The following GRM7 variants were observed in gnomAD, a reference collection of about 807,000 sequenced individuals.
GRM7 encodes glutamate metabotropic receptor 7, also known as metabotropic glutamate receptor 7.
In GRM7, 35 loss-of-function variants were observed where a neutral mutation model predicts 84.5. The observed-to-expected ratio is 0.41, with a 90% confidence interval of 0.32 to 0.55. GRM7 has a LOEUF of 0.55. Among genes scored for constraint, GRM7 ranks in the 20% least tolerant of loss-of-function variants. The probability of loss-of-function intolerance (pLI) is 0.19; values close to 1 mark genes in which losing one functional copy is unlikely to be tolerated. For synonymous variants in GRM7, 487 were observed against 455.1 expected (o/e 1.07, Z -0.89); for missense variants, 1,003 against 1,194.6 (o/e 0.84, Z 2.36).
chr3:7,715,878 G>A (rs17047850), intron 9 of GRM7, among the ~76,000 whole-genome samples: 1 of 152,044 alleles, frequency 6.6e-6, no homozygotes, highest in African/African-American at 2.4e-5. Flanking sequence ...ACTTGCTACT[G>A]CAGGTATTTG....
chr3:7,354,579 G>C (rs1693305155), intron 4 of GRM7, among the ~76,000 whole-genome samples: 1 of 152,154 alleles, frequency 6.6e-6, no homozygotes, highest in Non-Finnish European at 1.5e-5. Flanking sequence ...AGGGAGAGTA[G>C]AGATTAGTGT....
intron 1 of GRM7, among the ~76,000 whole-genome samples, chr3:7,097,526 G>A (rs1462073131): frequency 6.6e-6 from 1 of 151,998 alleles, no homozygotes; most frequent in Non-Finnish European, 1.5e-5. Flanking sequence ...CTTGAAGATG[G>A]CATTGAACTT....
At chr3:7,221,394 A>C (rs991847632) in intron 2 of GRM7, among the ~76,000 whole-genome samples, 1 of 152,016 alleles carries the variant, frequency 6.6e-6, no homozygotes, top group Non-Finnish European at 1.5e-5. Context: ...CTCAAACCTG[A>C]TTGTTTGCTA....
intron 1 of GRM7, among the ~76,000 whole-genome samples, chr3:7,127,329 G>C (rs1478569194): frequency 6.6e-6 from 1 of 152,168 alleles, no homozygotes; most frequent in Non-Finnish European, 1.5e-5. Flanking sequence ...TCAGGAAACA[G>C]ACTGGGCAGA....
intron 8 of GRM7, among the ~76,000 whole-genome samples, chr3:7,650,276 A>ATAGCCTTGAATGAGGATGTAAG: frequency 6.6e-6 from 1 of 152,336 alleles, no homozygotes; most frequent in East Asian, 1.9e-4. Context: ...TCCCAGCTTT[A>ATAGCCTTGAATGAGGATGTAAG]TAGCCTTGAA....
At chr3:7,523,390 T>A (rs1479027358) in intron 7 of GRM7, among the ~76,000 whole-genome samples, 1 of 152,172 alleles carries the variant, frequency 6.6e-6, no homozygotes, top group Non-Finnish European at 1.5e-5. Context: ...AAACGGAACC[T>A]ACAAGAATGT....
intron 4 of GRM7, among the ~76,000 whole-genome samples, chr3:7,324,722 C>T (rs575496024): frequency 6.6e-6 from 1 of 152,030 alleles, no homozygotes; most frequent in Admixed American, 6.6e-5. Context: ...TCATTTAAAG[C>T]CGTTGCTTTT....
intron 7 of GRM7, among the ~76,000 whole-genome samples, chr3:7,476,102 G>C (rs9871907): frequency 3.5e-4 from 53 of 152,268 alleles, no homozygotes; most frequent in Middle Eastern, 3.4e-3. Context: ...GGCTGTGGAG[G>C]CAGGCTGCCT....
intron 8 of GRM7, among the ~76,000 whole-genome samples, chr3:7,645,544 CTT>C (rs1300061676): frequency 5.4e-5 from 4 of 74,518 alleles, no homozygotes; most frequent in African/African-American, 3.0e-4. Flanking sequence ...AAGACTCCAT[CTT>C]AAAAAAAAAA....
chr3:7,690,524 A>T (rs1700760743), intron 9 of GRM7, among the ~76,000 whole-genome samples: 1 of 152,246 alleles, frequency 6.6e-6, no homozygotes, highest in African/African-American at 2.4e-5. Flanking sequence ...GTGATGTCAC[A>T]GGTTTCAAAA....
At chr3:7,436,146 C>T (rs760400579) in intron 5 of GRM7, among the ~76,000 whole-genome samples, 7 of 152,118 alleles carry the variant, frequency 4.6e-5, no homozygotes, top group Admixed American at 2.0e-4. Flanking sequence ...TGCATCTGGC[C>T]TTATCAATTT....
chr3:7,192,342 A>C (rs908117544), intron 2 of GRM7, among the ~76,000 whole-genome samples: 3 of 152,074 alleles, frequency 2.0e-5, no homozygotes, highest in African/African-American at 7.2e-5. Flanking sequence ...CTTTGTGTCC[A>C]CCCAGTAATT....
At chr3:6,937,673 C>T (rs983586343) in intron 1 of GRM7, among the ~76,000 whole-genome samples, 2 of 152,170 alleles carry the variant, frequency 1.3e-5, no homozygotes, top group African/African-American at 4.8e-5. Context: ...GATTTGCTTA[C>T]AGGGGTTTTC....
intron 2 of GRM7, among the ~76,000 whole-genome samples, chr3:7,174,744 GT>G (rs1379165488): frequency 2.0e-5 from 3 of 152,164 alleles, no homozygotes; most frequent in Non-Finnish European, 4.4e-5. Context: ...TCTTCTATGG[GT>G]GAAAACTAGT....
intron 4 of GRM7, among the ~76,000 whole-genome samples, chr3:7,358,433 C>A (rs1159753453): frequency 7.9e-6 from 1 of 126,138 alleles, no homozygotes; most frequent in Non-Finnish European, 1.7e-5. Flanking sequence ...TCATGTGAAC[C>A]AGAATTTCCT....
chr3:7,441,501 C>T (rs1044906210), intron 5 of GRM7, among the ~76,000 whole-genome samples: 1 of 152,002 alleles, frequency 6.6e-6, no homozygotes, highest in Non-Finnish European at 1.5e-5. Flanking sequence ...ATAAATAGGT[C>T]ACATTTGTCA....
chr3:7,303,140 C>G (rs545426928), intron 3 of GRM7, among the ~76,000 whole-genome samples: 1 of 152,002 alleles, frequency 6.6e-6, no homozygotes, highest in Non-Finnish European at 1.5e-5. Context: ...CGGGCTTTCA[C>G]CATGTTAGCC....
intron 4 of GRM7, among the ~76,000 whole-genome samples, chr3:7,374,952 A>C (rs1028248547): frequency 2.6e-5 from 4 of 152,018 alleles, no homozygotes; most frequent in African/African-American, 9.7e-5. Flanking sequence ...ATGTTGCCAA[A>C]CTCTGAAACT....
intron 1 of GRM7, among the ~76,000 whole-genome samples, chr3:6,873,943 A>G (rs531885046): frequency 5.4e-4 from 83 of 152,374 alleles, no homozygotes; most frequent in African/African-American, 2.0e-3. Context: ...AAATATTCAT[A>G]CATCAGAAGG....
Sources: gnomAD v4.1 joint callset for allele counts (sites outside exome capture counted in the v4.1 genomes callset) on GRCh38, gnomAD v4.1.1 for gene constraint, MANE v1.5 for transcripts, NCBI Gene and HGNC (gene_info 2026-07-23, HGNC 2026-07-21) for gene names.